Variants in PLA2G5 observed in about 807,000 individuals in gnomAD.
PLA2G5 encodes phospholipase A2 group V.
In PLA2G5, 12 loss-of-function variants were observed where a neutral mutation model predicts 15.9. The observed-to-expected ratio is 0.76, with a 90% CI of 0.48 to 1.23. The LOEUF is 1.23. Among genes scored for constraint, PLA2G5 ranks in the 50% most tolerant of loss-of-function variants. The probability of loss-of-function intolerance (pLI) is 0.00; values close to 1 mark genes in which losing one functional copy is unlikely to be tolerated. For synonymous variants in PLA2G5, 71 were observed against 71.4 expected (o/e 0.99, Z 0.03); for missense variants, 169 against 177.1 (o/e 0.95, Z 0.26).
At chr1:20,048,350 T>A (rs1208613038) in intron 1 of PLA2G5, among the ~76,000 whole-genome samples, 1 of 152,190 alleles carries the variant, frequency 6.6e-6, no homozygotes, top group Non-Finnish European at 1.5e-5. Context: ...AGAAATTTTA[T>A]ACATATCCCT....
chr1:20,061,113 A>T (rs558775), intron 2 of PLA2G5, among the ~76,000 whole-genome samples: 18,584 of 152,106 alleles, frequency 0.12, 2,137 homozygotes, highest in African/African-American at 0.31. Flanking sequence ...GATTGGCCTC[A>T]TCTCTCCATT....
upstream of PLA2G5, among the ~76,000 whole-genome samples, chr1:20,066,349 A>C (rs974486364): frequency 1.3e-5 from 2 of 152,170 alleles, no homozygotes; most frequent in African/African-American, 4.8e-5. Flanking sequence ...TTTTGGAAGC[A>C]TTTCTCTTAG....
intron 1 of PLA2G5, among the ~76,000 whole-genome samples, chr1:20,074,586 C>T (rs1331837786): frequency 2.0e-5 from 3 of 152,082 alleles, no homozygotes; most frequent in Non-Finnish European, 2.9e-5. Flanking sequence ...AGAAGTCGAG[C>T]GGGGGCATAT....
At chr1:20,043,064 G>A (rs1557726455) in intron 1 of PLA2G5, among the ~76,000 whole-genome samples, 1 of 152,130 alleles carries the variant, frequency 6.6e-6, no homozygotes, top group Non-Finnish European at 1.5e-5. Context: ...CAGCAATACA[G>A]CCTAGGTATG....
intron 2 of PLA2G5, 139 bp downstream of exon 2, chr1:20,085,009 A>C: frequency 1.4e-6 from 1 of 734,604 alleles, no homozygotes; most frequent in Non-Finnish European, 2.5e-6. Flanking sequence ...GACATTCAGC[A>C]AGAGCCTTCA....
At chr1:20,055,900 A>G (rs562819458) in intron 1 of PLA2G5, among the ~76,000 whole-genome samples, 4 of 152,296 alleles carry the variant, frequency 2.6e-5, no homozygotes, top group African/African-American at 9.6e-5. Context: ...AAGGTCCTCA[A>G]CTAGTTTGGG....
intron 1 of PLA2G5, among the ~76,000 whole-genome samples, chr1:20,047,765 T>C (rs1466460488): frequency 6.6e-6 from 1 of 151,364 alleles, no homozygotes; most frequent in Non-Finnish European, 1.5e-5. Context: ...TGTATGTGTA[T>C]ATATTTAAAA....
chr1:20,090,298 C>G (rs1467313513), intron 4 of PLA2G5, among the ~76,000 whole-genome samples: 1 of 152,158 alleles, frequency 6.6e-6, no homozygotes, highest in Non-Finnish European at 1.5e-5. Context: ...GCGGCTGCCT[C>G]CACCATCAGA....
At chr1:20,050,148 G>T (rs984324410) in intron 1 of PLA2G5, among the ~76,000 whole-genome samples, 11 of 152,060 alleles carry the variant, frequency 7.2e-5, no homozygotes, top group Non-Finnish European at 1.6e-4. Context: ...TAAAATTAAG[G>T]TTATTATATT....
intron 1 of PLA2G5, among the ~76,000 whole-genome samples, chr1:20,058,586 A>G (rs2014551661): frequency 6.6e-6 from 1 of 152,186 alleles, no homozygotes; most frequent in South Asian, 2.1e-4. Flanking sequence ...AATGAGATTC[A>G]GGATTTGTAA....
chr1:20,056,153 A>C (rs2014421371), intron 1 of PLA2G5, among the ~76,000 whole-genome samples: 1 of 152,140 alleles, frequency 6.6e-6, no homozygotes, highest in Non-Finnish European at 1.5e-5. Flanking sequence ...TTGAGCTGAA[A>C]GTACAAATGT....
chr1:20,046,080 T>C (rs1181800758), intron 1 of PLA2G5: 1 of 152,202 alleles, frequency 6.6e-6, no homozygotes, highest in Admixed American at 6.5e-5. Flanking sequence ...CAGGATGAGT[T>C]TGAGTTTCTT....
chr1:20,042,526 A>C (rs757539957), intron 1 of PLA2G5, among the ~76,000 whole-genome samples: 1 of 152,148 alleles, frequency 6.6e-6, no homozygotes, highest in Non-Finnish European at 1.5e-5. Context: ...TGTAATGAAA[A>C]GCGTTGGGAT....
At chr1:20,053,576 G>T (rs565286850) in intron 1 of PLA2G5, among the ~76,000 whole-genome samples, 2 of 142,816 alleles carry the variant, frequency 1.4e-5, no homozygotes, top group East Asian at 2.3e-4. Flanking sequence ...TTTGCGGGGG[G>T]GGGGGTGATA....
chr1:20,079,304 T>C (rs538854227), intron 1 of PLA2G5, among the ~76,000 whole-genome samples: 1 of 152,226 alleles, frequency 6.6e-6, no homozygotes, highest in East Asian at 1.9e-4. Context: ...GGCTCTAAGT[T>C]ATAAATTTAA....
upstream of PLA2G5, among the ~76,000 whole-genome samples, chr1:20,066,426 C>A (rs1328047526): frequency 2.0e-5 from 3 of 152,196 alleles, no homozygotes; most frequent in Admixed American, 2.0e-4. Flanking sequence ...CTTAACATTT[C>A]TTTTCCCAGC....
intron 1 of PLA2G5, among the ~76,000 whole-genome samples, chr1:20,047,718 TTGTGTG>T (rs57199460): frequency 0.051 from 7,475 of 147,464 alleles, 199 homozygotes; most frequent in Non-Finnish European, 0.065. Context: ...TATAGGATCT[TTGTGTG>T]TGTGTGTGTG....
intron 2 of PLA2G5, among the ~76,000 whole-genome samples, chr1:20,063,220 GA>G (rs1435229834): frequency 6.6e-6 from 1 of 152,162 alleles, no homozygotes; most frequent in African/African-American, 2.4e-5. Context: ...AGATGAAAAT[GA>G]AAAAAACCAA....
chr1:20,076,021 G>A (rs548846276), intron 1 of PLA2G5, among the ~76,000 whole-genome samples: 13 of 151,944 alleles, frequency 8.6e-5, no homozygotes, highest in Non-Finnish European at 1.0e-4. Context: ...ACAGGCACTC[G>A]CCACCACACC....
Sources: gnomAD v4.1 joint callset for allele counts (sites outside exome capture counted in the v4.1 genomes callset) on GRCh38, gnomAD v4.1.1 for gene constraint, MANE v1.5 for transcripts, NCBI Gene and HGNC (gene_info 2026-07-23, HGNC 2026-07-21) for gene names.